KCNMB2: variants seen among roughly 807,000 people sequenced by gnomAD.
The protein encoded by KCNMB2 is potassium calcium-activated channel subfamily M regulatory beta subunit 2.
KCNMB2 carries 9 observed loss-of-function variants against 24.5 expected under a neutral mutation model. The ratio of observed to expected loss-of-function variants is 0.37; its 90% CI spans 0.22 to 0.64. The LOEUF (loss-of-function observed/expected upper bound fraction) is 0.64. KCNMB2 is among the 30% of genes least tolerant of loss of function. KCNMB2 has a pLI of 0.63. For missense variants in KCNMB2, 226 were observed against 284.3 expected, an observed-to-expected ratio of 0.79 and a Z score of 1.47; for synonymous variants, 109 against 104.4, an observed-to-expected ratio of 1.04 and a Z score of -0.27.
intron 1 of KCNMB2, among the ~76,000 whole-genome samples, chr3:178,550,537 T>C (rs577088900): frequency 1.3e-5 from 2 of 151,784 alleles, no homozygotes; most frequent in South Asian, 4.2e-4. Flanking sequence ...TTATACATTA[T>C]TCAAGAGGTA....
intron 1 of KCNMB2, among the ~76,000 whole-genome samples, chr3:178,759,385 ATATATC>A (rs1217322585): frequency 2.0e-5 from 1 of 50,490 alleles, no homozygotes; most frequent in African/African-American, 2.0e-4. Flanking sequence ...ATATATATAT[ATATATC>A]TCTCCAAGAG....
chr3:178,582,731 A>G (rs1449009616), intron 1 of KCNMB2, among the ~76,000 whole-genome samples: 2 of 152,138 alleles, frequency 1.3e-5, no homozygotes, highest in Non-Finnish European at 2.9e-5. Flanking sequence ...ATTTTTCTGT[A>G]TCTATTGTCT....
chr3:178,606,354 G>A (rs113455876), intron 1 of KCNMB2, among the ~76,000 whole-genome samples: 1 of 152,110 alleles, frequency 6.6e-6, no homozygotes, highest in African/African-American at 2.4e-5. Flanking sequence ...CCAACTAGTG[G>A]ACCTAGAGGG....
chr3:178,742,246 C>T (rs1225420656), intron 1 of KCNMB2, among the ~76,000 whole-genome samples: 2 of 152,312 alleles, frequency 1.3e-5, no homozygotes, highest in Admixed American at 6.5e-5. Context: ...TACTCACATT[C>T]ATAAAACCTC....
intron 1 of KCNMB2, among the ~76,000 whole-genome samples, chr3:178,785,082 G>C (rs189317479): frequency 9.2e-4 from 139 of 151,628 alleles, no homozygotes; most frequent in African/African-American, 3.3e-3. Context: ...AAATGAAAAA[G>C]AATTAAAGAT....
intron 1 of KCNMB2, among the ~76,000 whole-genome samples, chr3:178,588,894 T>G (rs1294786239): frequency 6.6e-6 from 1 of 152,136 alleles, no homozygotes; most frequent in Non-Finnish European, 1.5e-5. Flanking sequence ...ATAATGGATA[T>G]GAAACAAGGA....
chr3:178,765,018 C>T (rs1712056893), intron 1 of KCNMB2, among the ~76,000 whole-genome samples: 1 of 152,122 alleles, frequency 6.6e-6, no homozygotes, highest in Non-Finnish European at 1.5e-5. Context: ...ATATTTATTA[C>T]TCTTCTTTGA....
intron 1 of KCNMB2, among the ~76,000 whole-genome samples, chr3:178,652,431 C>T (rs912683988): frequency 2.2e-4 from 34 of 151,396 alleles, no homozygotes; most frequent in Admixed American, 2.1e-3. Context: ...AAAACCTGCA[C>T]GTTCTGCACA....
At chr3:178,608,508 A>C (rs1038857435) in intron 1 of KCNMB2, among the ~76,000 whole-genome samples, 1 of 152,206 alleles carries the variant, frequency 6.6e-6, no homozygotes, top group Non-Finnish European at 1.5e-5. Flanking sequence ...TCCATCCATC[A>C]AAGTATTTAT....
chr3:178,715,306 C>T (rs551393824), intron 1 of KCNMB2, among the ~76,000 whole-genome samples: 2 of 151,584 alleles, frequency 1.3e-5, no homozygotes, highest in East Asian at 1.9e-4. Context: ...AGAACAGATC[C>T]GAAAGAGCAG....
At chr3:178,825,286 G>A (rs1053944810) in intron 2 of KCNMB2, among the ~76,000 whole-genome samples, 1 of 152,180 alleles carries the variant, frequency 6.6e-6, no homozygotes, top group Non-Finnish European at 1.5e-5. Context: ...GAGGGGATTG[G>A]TTTCTTTCTT....
chr3:178,584,390 G>C (rs1717343225), intron 1 of KCNMB2, among the ~76,000 whole-genome samples: 1 of 152,132 alleles, frequency 6.6e-6, no homozygotes, highest in Non-Finnish European at 1.5e-5. Context: ...CTTCATAGGA[G>C]AGATCCTGCC....
At chr3:178,635,669 G>C (rs538735168) in intron 1 of KCNMB2, among the ~76,000 whole-genome samples, 2 of 152,316 alleles carry the variant, frequency 1.3e-5, no homozygotes, top group East Asian at 3.9e-4. Context: ...CATTCAGGCT[G>C]TGTGGTGCCA....
intron 1 of KCNMB2, among the ~76,000 whole-genome samples, chr3:178,722,476 C>T (rs1374405853): frequency 6.6e-6 from 1 of 152,166 alleles, no homozygotes. Flanking sequence ...GATAAGAAAG[C>T]ACAAGAGAGG....
At chr3:178,551,923 C>T (rs1055081243) in intron 1 of KCNMB2, among the ~76,000 whole-genome samples, 1 of 152,148 alleles carries the variant, frequency 6.6e-6, no homozygotes, top group African/African-American at 2.4e-5. Flanking sequence ...CACACTTTCT[C>T]CCTAGGTACC....
intron 1 of KCNMB2, among the ~76,000 whole-genome samples, chr3:178,800,797 T>C (rs548560435): frequency 7.3e-5 from 11 of 151,642 alleles, no homozygotes; most frequent in Admixed American, 3.3e-4. Context: ...AACAGATGAA[T>C]AGATAAAGAA....
intron 1 of KCNMB2, among the ~76,000 whole-genome samples, chr3:178,723,318 C>T (rs1459337193): frequency 6.6e-6 from 1 of 152,088 alleles, no homozygotes; most frequent in Non-Finnish European, 1.5e-5. Flanking sequence ...GGATAATTGA[C>T]ATCTTTACTA....
intron 1 of KCNMB2, among the ~76,000 whole-genome samples, chr3:178,571,343 C>A (rs1269461543): frequency 6.7e-6 from 1 of 149,394 alleles, no homozygotes; most frequent in African/African-American, 2.5e-5. Context: ...CCCTTTTGAT[C>A]AAGATCTAAT....
Position 178,785,827 on chromosome 3 carries a change from A to G in KCNMB2, c.-67-21516A>G, listed in dbSNP as rs1015457851. Among the ~76,000 whole-genome samples the G allele has an allele frequency of 5.9e-5, 9 of 152,190 alleles. 1 individual carries two copies. The highest frequency in any genetic ancestry group is 4.4e-5 in the Non-Finnish European group (3 of 68,010). ...TATAAAAAAGCATATTCATTTGTATACATATAAATAAACAGCTCTGTGTAA... is the reference window on the plus strand; with the variant it reads ...TATAAAAAAGCATATTCATTTGTATGCATATAAATAAACAGCTCTGTGTAA... On this transcript the variant is annotated intron_variant, in intron 1 of 4. Coordinates refer to ENST00000452583, the MANE Select transcript of KCNMB2 (RefSeq NM_181361.3).
Sources: gnomAD v4.1 joint callset for allele counts (sites outside exome capture counted in the v4.1 genomes callset) on GRCh38, gnomAD v4.1.1 for gene constraint, MANE v1.5 for transcripts, NCBI Gene and HGNC (gene_info 2026-07-23, HGNC 2026-07-21) for gene names.